Variants in RAVER2 observed in about 807,000 individuals in gnomAD.
RAVER2 encodes the protein ribonucleoprotein PTB-binding 2.
In RAVER2, 46 loss-of-function variants were observed where a neutral mutation model predicts 78.1. That is an observed-to-expected ratio of 0.59 (90% CI 0.46 to 0.75). The LOEUF is 0.75. Among genes scored for constraint, RAVER2 ranks in the 30% least tolerant of loss-of-function variants. RAVER2 has a pLI of 0.00. For synonymous variants in RAVER2, 311 were observed against 313.3 expected, an observed-to-expected ratio of 0.99 and a Z score of 0.08; for missense variants, 793 against 837.5, an observed-to-expected ratio of 0.95 and a Z score of 0.66.
chr1:64,829,079 TCTCA>T (rs1344785486), intron 11 of RAVER2, among the ~76,000 whole-genome samples: 4 of 150,006 alleles, frequency 2.7e-5, no homozygotes, highest in African/African-American at 7.3e-5. Context: ...CTCAGTTGGT[TCTCA>T]CTGTGAATGG....
At chr1:64,777,128 T>A (rs1404793565) in intron 2 of RAVER2, among the ~76,000 whole-genome samples, 2 of 152,192 alleles carry the variant, frequency 1.3e-5, no homozygotes, top group Admixed American at 1.3e-4. Flanking sequence ...TGCATTTTGA[T>A]GTTTTTGCTG....
At chr1:64,758,505 T>G (rs1441919808) in intron 1 of RAVER2, among the ~76,000 whole-genome samples, 2 of 152,174 alleles carry the variant, frequency 1.3e-5, no homozygotes, top group Non-Finnish European at 2.9e-5. Context: ...AAGACGTGAT[T>G]CGCTGTTTGT....
intron 10 of RAVER2, among the ~76,000 whole-genome samples, chr1:64,813,418 TATACTG>T (rs1653674427): frequency 6.6e-6 from 1 of 152,150 alleles, no homozygotes; most frequent in East Asian, 1.9e-4. Flanking sequence ...GATATCTACA[TATACTG>T]ATATGAGATG....
chr1:64,827,827 C>A (rs753277719), intron 11 of RAVER2, among the ~76,000 whole-genome samples: 37 of 152,220 alleles, frequency 2.4e-4, no homozygotes, highest in Non-Finnish European at 5.0e-4. Context: ...CTGTCTCCTT[C>A]ATTGCCATAC....
At chr1:64,786,871 A>G (rs1438180759) in intron 4 of RAVER2, among the ~76,000 whole-genome samples, 1 of 152,324 alleles carries the variant, frequency 6.6e-6, no homozygotes, top group East Asian at 1.9e-4. Context: ...GCACAGGGTA[A>G]ATGTTAATAA....
intron 9 of RAVER2, among the ~76,000 whole-genome samples, chr1:64,809,823 T>G (rs1192465791): frequency 1.3e-5 from 2 of 152,200 alleles, no homozygotes; most frequent in Non-Finnish European, 2.9e-5. Context: ...AATTTGACTA[T>G]TCTAGGTACC....
chr1:64,791,211 A>G (rs187867732), intron 5 of RAVER2, among the ~76,000 whole-genome samples: 2 of 152,090 alleles, frequency 1.3e-5, no homozygotes, highest in East Asian at 1.9e-4. Flanking sequence ...CAACACATCA[A>G]TATGTTTTCC....
At chr1:64,787,958 G>A (rs931201344) in intron 4 of RAVER2, among the ~76,000 whole-genome samples, 3 of 152,150 alleles carry the variant, frequency 2.0e-5, no homozygotes, top group African/African-American at 7.2e-5. Context: ...TGTGGGTTGG[G>A]AGAAGGTTCC....
chr1:64,747,865 T>C (rs1309891278), intron 1 of RAVER2, among the ~76,000 whole-genome samples: 1 of 152,172 alleles, frequency 6.6e-6, no homozygotes, highest in Non-Finnish European at 1.5e-5. Context: ...CATTCATAAC[T>C]CTAGTTCTCA....
chr1:64,745,444 G>T lies in RAVER2; in HGVS notation c.249+23G>T. 6.6e-7 allele frequency: 1 copy of T among 1,510,910 alleles called. No homozygotes were observed. The highest frequency in any genetic ancestry group is 8.9e-7 in the Non-Finnish European group (1 of 1,122,952). The allele number at this position is 1,510,910 out of a possible 1,614,324, so 93.6% of individuals were successfully genotyped here. On this transcript the variant is annotated intron_variant, in intron 1 of 11. Coordinates refer to ENST00000294428, the Ensembl canonical transcript of RAVER2. This position sits in a 1 kb window ranked among gnomAD's most constrained non-coding sequence, Gnocchi z 4.3. Reference sequence around the variant, plus strand: ...CAGGTACTGGGACGGTGATAGGGGCGACGCGTCCCGAGGGGCGGCGGGGCG... The same window carrying T: ...CAGGTACTGGGACGGTGATAGGGGCTACGCGTCCCGAGGGGCGGCGGGGCG...
intron 11 of RAVER2, among the ~76,000 whole-genome samples, chr1:64,823,427 A>G (rs1653932847): frequency 1.3e-5 from 2 of 152,206 alleles, no homozygotes; most frequent in Admixed American, 6.5e-5. Context: ...CTTAAATCAG[A>G]AATAAATTAT....
rs771243763 is a variant in RAVER2, at chr1:64,802,993, C to A, written c.1123C>A (p.His375Asn). 1 of 1,609,372 alleles carries A rather than the reference C, an allele frequency of 6.2e-7. No individual in the cohort carries two copies. The highest frequency in any genetic ancestry group is 8.5e-7 in the Non-Finnish European group (1 of 1,176,702). Residue 375 changes from histidine to asparagine, a missense_variant, in exon 6 of 12, where the codon CAC becomes AAC. His to Asn is a moderately conservative substitution (Grantham distance 68). Transcript: ENST00000294428. ...TCTCAAAGCCGTTCTTGGAACACCTCACAGCTTGCCACATCTGATGAATCC... is the reference window on the plus strand; with the variant it reads ...TCTCAAAGCCGTTCTTGGAACACCTAACAGCTTGCCACATCTGATGAATCC...
intron 1 of RAVER2, among the ~76,000 whole-genome samples, chr1:64,750,935 G>A (rs1159785450): frequency 1.3e-5 from 2 of 152,198 alleles, no homozygotes; most frequent in Non-Finnish European, 2.9e-5. Context: ...AGCTGCTAGG[G>A]AAATGTACTT....
chr1:64,788,923 G>C (rs1652861089), intron 4 of RAVER2, among the ~76,000 whole-genome samples: 1 of 152,092 alleles, frequency 6.6e-6, no homozygotes, highest in Non-Finnish European at 1.5e-5. Flanking sequence ...CACCCAGGCT[G>C]ATCTTGACCT....
rs1652524007 is a variant in RAVER2 at position 64,778,108 on chromosome 1, A to G, written c.786+16A>G. ...GTTTTGCCAGGTATGTATTTTTAAGAGATTATTGAAATATTTTAAAATATA... is the reference window on the plus strand; with the variant it reads ...GTTTTGCCAGGTATGTATTTTTAAGGGATTATTGAAATATTTTAAAATATA... On this transcript the variant is annotated intron_variant, in intron 3 of 11. Coordinates refer to ENST00000294428, the Ensembl canonical transcript of RAVER2. 2 of 1,533,666 alleles carry G rather than the reference A, an allele frequency of 1.3e-6. No individual in the cohort carries two copies. The highest frequency in any genetic ancestry group is 2.3e-5 in the East Asian group (1 of 44,226).
At chr1:64,827,577 T>G (rs1466436997) in intron 11 of RAVER2, among the ~76,000 whole-genome samples, 1 of 152,218 alleles carries the variant, frequency 6.6e-6, no homozygotes, top group Non-Finnish European at 1.5e-5. Flanking sequence ...ATATTAGACA[T>G]GTAAAACTAG....
At chr1:64,777,922 A>G (rs1652515177) in exon 3 of RAVER2, 4 of 1,614,018 alleles carry the variant, frequency 2.5e-6, no homozygotes, top group African/African-American at 1.3e-5. Flanking sequence ...GCTATTGGGT[A>G]GACAGTTGGG....
intron 1 of RAVER2, among the ~76,000 whole-genome samples, chr1:64,760,917 T>C (rs1262020539): frequency 6.6e-6 from 1 of 152,174 alleles, no homozygotes. Flanking sequence ...TATAGTTGTG[T>C]TTGCTGTAGA....
chr1:64,796,451 G>A (rs1245172650), intron 5 of RAVER2, among the ~76,000 whole-genome samples: 1 of 152,036 alleles, frequency 6.6e-6, no homozygotes, highest in Non-Finnish European at 1.5e-5. Context: ...TCTTTAATAT[G>A]TAAGAGCTAT....
Sources: gnomAD v4.1 joint callset for allele counts (sites outside exome capture counted in the v4.1 genomes callset) on GRCh38, gnomAD v4.1.1 for gene constraint, Gnocchi (gnomAD v3.1) non-coding constraint, MANE v1.5 for transcripts, NCBI Gene and HGNC (gene_info 2026-07-23, HGNC 2026-07-21) for gene names.